Variants in GABBR2 observed in about 807,000 individuals in gnomAD.
The protein encoded by GABBR2 is G-protein coupled receptor 51.
A neutral mutation model predicts 105.6 loss-of-function variants in GABBR2; 23 were observed. The observed-to-expected ratio is 0.22, with a 90% confidence interval of 0.16 to 0.31. The LOEUF is 0.31. Ranked by LOEUF, GABBR2 falls within the 10% of genes least tolerant of loss-of-function variation. GABBR2 has a pLI of 1.00. For synonymous variants in GABBR2, 478 were observed against 499.7 expected, an observed-to-expected ratio of 0.96 and a Z score of 0.58; for missense variants, 734 against 1,245.5, an observed-to-expected ratio of 0.59 and a Z score of 6.18.
At chr9:98,424,871 T>C (rs1832846333) in intron 7 of GABBR2, among the ~76,000 whole-genome samples, 2 of 151,944 alleles carry the variant, frequency 1.3e-5, no homozygotes, top group East Asian at 1.9e-4. Flanking sequence ...TGCTCATGGG[T>C]AGGAAGAATC....
intron 13 of GABBR2, among the ~76,000 whole-genome samples, chr9:98,334,138 C>G (rs1214664312): frequency 6.6e-6 from 1 of 152,116 alleles, no homozygotes; most frequent in Admixed American, 6.5e-5. Flanking sequence ...TGAAGCGGGA[C>G]TGGAAGGTGA....
chr9:98,625,984 A>G (rs1829731469), intron 1 of GABBR2, among the ~76,000 whole-genome samples: 1 of 152,160 alleles, frequency 6.6e-6, no homozygotes, highest in Non-Finnish European at 1.5e-5. Context: ...TAAGACAGGG[A>G]AGTCAGGGCT....
rs1483277609 is a variant in GABBR2 at position 98,406,120 on chromosome 9, C to T, written c.1258G>A (p.Gly420Arg). ...GVTGQVVFRN[G>R]ERMGTIKFTQ... The stretch of plus-strand genomic sequence containing the variant: ...AATTTAATGGTCCCCATTCTCTCCC[C>T]ATTCCGGAATACAACTTGACCCTAA... The change falls in exon 8 of 19, where the codon GGG becomes AGG. Residue 420 changes from glycine (G) to arginine (R), a missense_variant. Physicochemically the swap from Gly to Arg is moderately radical, Grantham distance 125 (BLOSUM62 -2). Coordinates refer to ENST00000259455, the MANE Select transcript of GABBR2 (RefSeq NM_005458.8). The T allele has an allele frequency of 6.3e-7, 1 of 1,583,420 alleles. No homozygotes were observed. The highest frequency in any genetic ancestry group is 8.6e-7 in the Non-Finnish European group (1 of 1,163,142).
At chr9:98,396,254 G>A (rs1832288333) in intron 8 of GABBR2, among the ~76,000 whole-genome samples, 2 of 152,296 alleles carry the variant, frequency 1.3e-5, no homozygotes, top group South Asian at 4.1e-4. Flanking sequence ...GTGCAGGCGG[G>A]TCCCTTCCAG....
intron 13 of GABBR2, among the ~76,000 whole-genome samples, chr9:98,347,335 G>T (rs1831319228): frequency 6.6e-6 from 1 of 152,074 alleles, no homozygotes; most frequent in Admixed American, 6.5e-5. Flanking sequence ...AATTAGTGAT[G>T]GTGAACACTT....
chr9:98,689,278 C>G (rs755073063), intron 1 of GABBR2, among the ~76,000 whole-genome samples: 2 of 152,114 alleles, frequency 1.3e-5, no homozygotes, highest in Non-Finnish European at 2.9e-5. Flanking sequence ...AGTTTGAATC[C>G]CAGCTTACTA....
chr9:98,605,848 A>G (rs1314684682), intron 1 of GABBR2, among the ~76,000 whole-genome samples: 2 of 152,130 alleles, frequency 1.3e-5, no homozygotes, highest in Non-Finnish European at 2.9e-5. Flanking sequence ...ATATGTATAC[A>G]TGTGCCATGT....
rs140488834 is a variant in GABBR2, at chr9:98,288,157, G to A, written c.*2427C>T. The A allele has an allele frequency of 1.1e-4, 17 of 152,742 alleles. No homozygotes were observed. The East Asian group carries it at 3.3e-3, about 29-fold the overall frequency. 9.5% of individuals were successfully genotyped at this position (152,742 alleles called of 1,614,324 possible). The stretch of plus-strand genomic sequence containing the variant: ...ATTTATTAAAAATCGATACCATGCA[G>A]TAGGGGTACGAGAAATTCCTCATTT... On this transcript the variant is annotated 3_prime_UTR_variant, in exon 19 of 19. Coordinates refer to ENST00000259455, the MANE Select transcript of GABBR2 (RefSeq NM_005458.8).
intron 3 of GABBR2, 77 bp downstream of exon 3, chr9:98,541,796 G>T: frequency 7.2e-7 from 1 of 1,389,180 alleles, no homozygotes; most frequent in Non-Finnish European, 1.0e-6. Flanking sequence ...ACCCATCCCT[G>T]ACTAAACCAC....
intron 3 of GABBR2, among the ~76,000 whole-genome samples, chr9:98,502,586 C>G (rs540923131): frequency 1.1e-4 from 16 of 152,338 alleles, no homozygotes; most frequent in African/African-American, 3.6e-4. Context: ...ACCCCTGCAA[C>G]TCCCTGCTAC....
At chr9:98,508,034 T>A (rs1827548260) in intron 3 of GABBR2, among the ~76,000 whole-genome samples, 1 of 152,236 alleles carries the variant, frequency 6.6e-6, no homozygotes, top group Non-Finnish European at 1.5e-5. Context: ...CAGACCTTAT[T>A]GCTTTCCTTG....
At chr9:98,537,262 A>T (rs1828199446) in intron 3 of GABBR2, among the ~76,000 whole-genome samples, 1 of 152,122 alleles carries the variant, frequency 6.6e-6, no homozygotes, top group Non-Finnish European at 1.5e-5. Context: ...TGCCTCAAAC[A>T]CTGCGCTAAG....
chr9:98,553,716 T>C (rs1048027621), intron 2 of GABBR2, among the ~76,000 whole-genome samples: 2 of 152,232 alleles, frequency 1.3e-5, no homozygotes, highest in Admixed American at 6.5e-5. Context: ...ATTCACTTCT[T>C]CACTTAATGT....
chr9:98,625,442 CAGG>C (rs1463028343), intron 1 of GABBR2, among the ~76,000 whole-genome samples: 2 of 152,254 alleles, frequency 1.3e-5, no homozygotes, highest in Non-Finnish European at 2.9e-5. Context: ...AGAGCTGTGT[CAGG>C]AGACCTTGGA....
chr9:98,318,489 T>C (rs9792573), intron 13 of GABBR2, among the ~76,000 whole-genome samples: 43,411 of 152,106 alleles, frequency 0.29, 6,891 homozygotes, highest in East Asian at 0.6. Flanking sequence ...TGCTTCTGTG[T>C]GTCCTGTGCA....
intron 1 of GABBR2, among the ~76,000 whole-genome samples, chr9:98,622,720 G>A (rs1276439791): frequency 6.6e-6 from 1 of 152,130 alleles, no homozygotes; most frequent in Non-Finnish European, 1.5e-5. Context: ...GCCCTGGGGT[G>A]GTACTCTTTG....
chr9:98,579,771 A>C (rs1828974140), intron 1 of GABBR2, among the ~76,000 whole-genome samples: 1 of 152,228 alleles, frequency 6.6e-6, no homozygotes, highest in Non-Finnish European at 1.5e-5. Flanking sequence ...GTGCCAAATT[A>C]GATACAAAAC....
At position 98,291,272 on chromosome 9, in the gene GABBR2, A is replaced by C. The variant is rs570651273; in HGVS notation, c.2661-523T>G. The stretch of plus-strand genomic sequence containing the variant: ...TCTCATGCAATTTACTGAATACTGT[A>C]CTGAATGTGTATCACTTTCACACCA... On this transcript the variant is annotated intron_variant, in intron 18 of 18. Transcript: ENST00000259455. Among the ~76,000 whole-genome samples, 3 of 152,326 alleles carry C rather than the reference A, an allele frequency of 2.0e-5. No homozygotes were observed. In the South Asian group the frequency reaches 6.2e-4, roughly 32 times the overall value.
At chr9:98,636,661 T>G (rs1829881701) in intron 1 of GABBR2, among the ~76,000 whole-genome samples, 1 of 151,868 alleles carries the variant, frequency 6.6e-6, no homozygotes, top group South Asian at 2.1e-4. Context: ...AGCTGGCTAA[T>G]TTTTTGTATT....
Sources: gnomAD v4.1 joint callset for allele counts (sites outside exome capture counted in the v4.1 genomes callset) on GRCh38, gnomAD v4.1.1 for gene constraint, MANE v1.5 for transcripts, NCBI Gene and HGNC (gene_info 2026-07-23, HGNC 2026-07-21) for gene names.